The following DOCK4 variants were observed in gnomAD, a reference collection of about 807,000 sequenced individuals.
DOCK4 encodes dedicator of cytokinesis 4, also known as dedicator of cytokinesis protein 4.
In DOCK4, 97 loss-of-function variants were observed where a neutral mutation model predicts 268.1. The ratio of observed to expected loss-of-function variants is 0.36; its 90% CI spans 0.31 to 0.43. The LOEUF is 0.43. Ranked by LOEUF, DOCK4 falls within the 20% of genes least tolerant of loss-of-function variation. DOCK4 has a pLI of 1.00. For missense variants in DOCK4, 2,145 were observed against 2,455.7 expected (o/e 0.87, Z 2.67); for synonymous variants, 954 against 887.2 (o/e 1.08, Z -1.34).
intron 1 of DOCK4, among the ~76,000 whole-genome samples, chr7:112,141,615 A>G (rs1814938348): frequency 6.6e-6 from 1 of 152,150 alleles, no homozygotes; most frequent in South Asian, 2.1e-4. Context: ...CATACATAAA[A>G]TCTCCTACAG....
intron 1 of DOCK4, among the ~76,000 whole-genome samples, chr7:112,161,464 A>C (rs1817122708): frequency 6.6e-6 from 1 of 152,228 alleles, no homozygotes; most frequent in Admixed American, 6.5e-5. Context: ...ACTTCCTATA[A>C]ATTTTAATTA....
At chr7:112,022,723 T>A (rs1299210491) in intron 1 of DOCK4, among the ~76,000 whole-genome samples, 1 of 152,208 alleles carries the variant, frequency 6.6e-6, no homozygotes, top group Non-Finnish European at 1.5e-5. Context: ...GAGCTGTCAA[T>A]GTTGACCATT....
chr7:112,202,326 T>C (rs1821016030), intron 1 of DOCK4, among the ~76,000 whole-genome samples: 1 of 152,230 alleles, frequency 6.6e-6, no homozygotes, highest in South Asian at 2.1e-4. Context: ...AGCGTTCCCT[T>C]TTCTCTGCAC....
At chr7:111,778,427 T>TGCCTTTTA in intron 35 of DOCK4, 58 bp from the exon 36 acceptor site, 1 of 1,089,446 alleles carries the variant, frequency 9.2e-7, no homozygotes, top group Non-Finnish European at 1.4e-6. Flanking sequence ...TACAATTATC[T>TGCCTTTTA]GCCTTTTACT....
At chr7:112,046,092 TC>T (rs1563028706) in intron 1 of DOCK4, among the ~76,000 whole-genome samples, 1 of 152,198 alleles carries the variant, frequency 6.6e-6, no homozygotes, top group Non-Finnish European at 1.5e-5. Context: ...GCTTGTCAAC[TC>T]AAAACATCCT....
chr7:111,810,081 G>C (rs1248387070), intron 28 of DOCK4, among the ~76,000 whole-genome samples: 1 of 150,744 alleles, frequency 6.6e-6, no homozygotes, highest in Non-Finnish European at 1.5e-5. Context: ...ATATGACACA[G>C]AATCAGTATC....
chr7:111,726,953 A>C lies in DOCK4; in HGVS notation c.*1321T>G, dbSNP rs1008501847. 6.6e-6 allele frequency: 1 copy of C among 152,640 alleles called. No homozygotes were observed. Among genetic ancestry groups the C allele is most frequent in the African/African-American group, 2.4e-5 (1 of 41,472 alleles). 9.5% of individuals were successfully genotyped at this position (152,640 alleles called of 1,614,324 possible). On this transcript the variant is annotated 3_prime_UTR_variant, in exon 53 of 53. Coordinates refer to ENST00000428084, the MANE Select transcript of DOCK4 (RefSeq NM_001363540.2). ...TCCAGGTAAGCTACCAACAAAACAAACATGGTTAAACTAAAATGAGCTTCC... is the reference window on the plus strand; with the variant it reads ...TCCAGGTAAGCTACCAACAAAACAACCATGGTTAAACTAAAATGAGCTTCC...
intron 4 of DOCK4, among the ~76,000 whole-genome samples, chr7:111,996,571 G>GT (rs1304774483): frequency 6.6e-6 from 1 of 152,120 alleles, no homozygotes; most frequent in Non-Finnish European, 1.5e-5. Flanking sequence ...TTTTCTTCCA[G>GT]TAACAGCCCT....
At chr7:112,031,233 G>GC (rs1250299107) in intron 1 of DOCK4, among the ~76,000 whole-genome samples, 2 of 152,182 alleles carry the variant, frequency 1.3e-5, no homozygotes, top group Non-Finnish European at 2.9e-5. Flanking sequence ...ATGGCCTTCA[G>GC]CCCAGTGCAT....
At chr7:111,902,464 T>G (rs1382164466) in intron 13 of DOCK4, among the ~76,000 whole-genome samples, 1 of 152,240 alleles carries the variant, frequency 6.6e-6, no homozygotes, top group Non-Finnish European at 1.5e-5. Context: ...CTACTGGTGA[T>G]TTATAAAACT....
intron 1 of DOCK4, among the ~76,000 whole-genome samples, chr7:112,138,474 A>G (rs1298069834): frequency 6.6e-6 from 1 of 152,226 alleles, no homozygotes; most frequent in Non-Finnish European, 1.5e-5. Context: ...AATGGCCAAG[A>G]AAGTATTTGC....
At chr7:111,999,979 G>T (rs1586609170) in intron 3 of DOCK4, among the ~76,000 whole-genome samples, 1 of 152,106 alleles carries the variant, frequency 6.6e-6, no homozygotes, top group East Asian at 1.9e-4. Context: ...ATGTATCAAG[G>T]ATAATGAATC....
At chr7:111,782,807 T>C in intron 35 of DOCK4, 57 bp downstream of exon 35, 6 of 1,528,760 alleles carry the variant, frequency 3.9e-6, no homozygotes, top group East Asian at 2.3e-5. Flanking sequence ...ATAGTATTTC[T>C]GGGAAAAAAA....
At chr7:112,066,690 CATATATATAT>C (rs751631282) in intron 1 of DOCK4, among the ~76,000 whole-genome samples, 337 of 20,930 alleles carry the variant, frequency 0.016, no homozygotes, top group East Asian at 0.058. Context: ...TATACATATA[CATATATATAT>C]ATATATATAT....
intron 13 of DOCK4, among the ~76,000 whole-genome samples, chr7:111,912,338 G>C (rs1410026317): frequency 6.6e-6 from 1 of 152,068 alleles, no homozygotes; most frequent in African/African-American, 2.4e-5. Context: ...GGTTGTGGAG[G>C]GTGGGGTATG....
chr7:111,984,249 G>T, intron 7 of DOCK4, 57 bp downstream of exon 7: 1 of 1,447,742 alleles, frequency 6.9e-7, no homozygotes, highest in Non-Finnish European at 9.5e-7. Flanking sequence ...TATGAGGAGT[G>T]CCATGGAAAC....
intron 1 of DOCK4, among the ~76,000 whole-genome samples, chr7:112,042,283 G>A (rs1804448392): frequency 6.6e-6 from 1 of 152,180 alleles, no homozygotes; most frequent in South Asian, 2.1e-4. Flanking sequence ...CATCATTGTA[G>A]TCCAGAGGAA....
Position 111,728,469 on chromosome 7 carries a change from C to T in DOCK4, c.5733G>A (p.Pro1911=), listed in dbSNP as rs751106045. 10 of 1,610,858 alleles carry T rather than the reference C, an allele frequency of 6.2e-6. No homozygotes were observed. The East Asian group carries it at 8.9e-5, about 14-fold the overall frequency. The change falls in exon 53 of 53, where the codon CCG becomes CCA. Residue 1911 remains proline, a synonymous_variant. Coordinates refer to ENST00000428084, the MANE Select transcript of DOCK4 (RefSeq NM_001363540.2). The part of the protein sequence containing the change: ...PVRKESKTPP[P]YSVYERTLRR... ...GCAGAGTCCGCTCGTAGACGCTGTACGGGGGCGGAGTCTTGCTCTCCTTGC... is the reference window on the plus strand; with the variant it reads ...GCAGAGTCCGCTCGTAGACGCTGTATGGGGGCGGAGTCTTGCTCTCCTTGC...
chr7:112,025,595 T>TC (rs1802716275), intron 1 of DOCK4, among the ~76,000 whole-genome samples: 1 of 151,768 alleles, frequency 6.6e-6, no homozygotes, highest in African/African-American at 2.4e-5. Context: ...GTATGACCTA[T>TC]CCAAACGAAG....
Sources: gnomAD v4.1 joint callset for allele counts (sites outside exome capture counted in the v4.1 genomes callset) on GRCh38, gnomAD v4.1.1 for gene constraint, MANE v1.5 for transcripts, NCBI Gene and HGNC (gene_info 2026-07-23, HGNC 2026-07-21) for gene names.